Variants in PILRA observed in about 807,000 individuals in gnomAD.
PILRA encodes paired immunoglobulin-like type 2 receptor alpha.
Under a neutral mutation model 33.1 loss-of-function variants are expected in PILRA, and 37 were observed. The ratio of observed to expected loss-of-function variants is 1.12; its 90% CI spans 0.86 to 1.47. The LOEUF (loss-of-function observed/expected upper bound fraction) is 1.47. Ranked by LOEUF, PILRA falls within the 40% of genes most tolerant of loss-of-function variation. The pLI, the probability that PILRA is intolerant of heterozygous loss-of-function variation, is 0.00. For missense variants in PILRA, 312 were observed against 376.2 expected, an observed-to-expected ratio of 0.83 and a Z score of 1.41; for synonymous variants, 146 against 149.9, an observed-to-expected ratio of 0.97 and a Z score of 0.19.
intron 3 of PILRA, 143 bp from the exon 4 acceptor site, chr7:100,397,736 C>T: frequency 1.3e-6 from 1 of 788,376 alleles, no homozygotes; most frequent in Non-Finnish European, 2.1e-6. Flanking sequence ...GAGTCCCAGG[C>T]CCTTCCTGAT....
intron 3 of PILRA, among the ~76,000 whole-genome samples, chr7:100,393,871 T>C (rs1454035757): frequency 6.6e-6 from 1 of 152,086 alleles, no homozygotes; most frequent in Non-Finnish European, 1.5e-5. Context: ...TAAAGAGTCT[T>C]TCTGAAAGAC....
chr7:100,385,320 C>A (rs1181180711), intron 2 of PILRA, among the ~76,000 whole-genome samples: 3 of 151,942 alleles, frequency 2.0e-5, no homozygotes, highest in Non-Finnish European at 4.4e-5. Flanking sequence ...GTACTTGATG[C>A]GATTGTATCT....
chr7:100,381,459 A>T (rs989223754), intron 2 of PILRA, among the ~76,000 whole-genome samples: 1 of 151,680 alleles, frequency 6.6e-6, no homozygotes, highest in African/African-American at 2.4e-5. Context: ...AAAAAAAAAA[A>T]AAAAAAATTA....
chr7:100,372,671 C>A (rs1334613070), upstream of PILRA, among the ~76,000 whole-genome samples: 1 of 152,202 alleles, frequency 6.6e-6, no homozygotes, highest in African/African-American at 2.4e-5. Flanking sequence ...CAGCCAAGGG[C>A]TCAGGTGTGT....
intron 2 of PILRA, among the ~76,000 whole-genome samples, chr7:100,379,111 A>G (rs1324138270): frequency 6.7e-6 from 1 of 149,966 alleles, no homozygotes; most frequent in Non-Finnish European, 1.5e-5. Flanking sequence ...AAAAAAAAAA[A>G]GTAATGCATA....
chr7:100,399,696 GGCAGGAGA>G, intron 6 of PILRA, 81 bp from the exon 7 acceptor site: 1 of 1,611,404 alleles, frequency 6.2e-7, no homozygotes. Context: ...GTGTGGTGTG[GGCAGGAGA>G]GTCAAACTGT....
rs1343498794 is a variant in PILRA at position 100,374,508 on chromosome 7, A to G, written c.454+75A>G. 7 of 1,568,908 alleles carry G rather than the reference A, an allele frequency of 4.5e-6. No homozygotes were observed. In the East Asian group the frequency reaches 6.7e-5, roughly 15 times the overall value. Reference sequence around the variant, plus strand: ...TATGATCACTGGTGACATCGTCCCCAGCACCTCAGACCCCACTTCTTCTGA... The same window carrying G: ...TATGATCACTGGTGACATCGTCCCCGGCACCTCAGACCCCACTTCTTCTGA... On this transcript the variant is annotated intron_variant, in intron 2 of 6. Coordinates refer to ENST00000198536, the MANE Select transcript of PILRA (RefSeq NM_013439.3).
chr7:100,388,778 A>T (rs1791313599), intron 2 of PILRA, among the ~76,000 whole-genome samples: 1 of 149,468 alleles, frequency 6.7e-6, no homozygotes, highest in Non-Finnish European at 1.5e-5. Flanking sequence ...AAAAAAAAAA[A>T]GACAATCCTG....
intron 2 of PILRA, 65 bp downstream of exon 2, chr7:100,374,498 C>A (rs765926366): frequency 6.3e-7 from 1 of 1,592,132 alleles, no homozygotes; most frequent in Non-Finnish European, 8.6e-7. Context: ...TCACTGGTGA[C>A]ATCGTCCCCA....
intron 3 of PILRA, among the ~76,000 whole-genome samples, chr7:100,391,007 A>G (rs955585638): frequency 6.6e-6 from 1 of 151,910 alleles, no homozygotes; most frequent in African/African-American, 2.4e-5. Context: ...CCTGGAAAAG[A>G]TTAAGTAATA....
At chr7:100,393,852 G>A (rs1447802789) in intron 3 of PILRA, among the ~76,000 whole-genome samples, 1 of 152,078 alleles carries the variant, frequency 6.6e-6, no homozygotes, top group African/African-American at 2.4e-5. Flanking sequence ...TCAACTCTCT[G>A]TTCCCTTTTA....
intron 2 of PILRA, among the ~76,000 whole-genome samples, chr7:100,380,939 C>T (rs1262431713): frequency 6.6e-6 from 1 of 151,644 alleles, no homozygotes; most frequent in Middle Eastern, 3.4e-3. Flanking sequence ...CCACTGCACT[C>T]CAGCCTGAGT....
At chr7:100,393,034 C>T (rs1030911064) in intron 3 of PILRA, among the ~76,000 whole-genome samples, 1 of 152,176 alleles carries the variant, frequency 6.6e-6, no homozygotes, top group African/African-American at 2.4e-5. Context: ...AATCCTACCA[C>T]TTTGGGAGGC....
intron 3 of PILRA, among the ~76,000 whole-genome samples, chr7:100,392,628 G>T (rs956053345): frequency 2.0e-5 from 3 of 152,062 alleles, no homozygotes; most frequent in African/African-American, 7.2e-5. Flanking sequence ...AGACAAAACA[G>T]TACAATATTG....
chr7:100,383,028 T>A (rs1791153270), intron 2 of PILRA, among the ~76,000 whole-genome samples: 1 of 152,034 alleles, frequency 6.6e-6, no homozygotes, highest in Admixed American at 6.6e-5. Flanking sequence ...CAGGTGATGG[T>A]GAAAAGAGAA....
chr7:100,397,988 GTGC>G (rs760689552), intron 4 of PILRA, 76 bp downstream of exon 4: 64 of 1,450,230 alleles, frequency 4.4e-5, no homozygotes, highest in African/African-American at 7.0e-5. Flanking sequence ...AACAGGGAGT[GTGC>G]TGCTAAGAAC....
At position 100,399,853 on chromosome 7, in the gene PILRA, C is replaced by A. The variant is rs776294547; in HGVS notation, c.858C>A (p.His286Gln). 6.2e-7 allele frequency: 1 copy of A among 1,613,812 alleles called. No homozygotes were observed. Among genetic ancestry groups the A allele is most frequent in the East Asian group, 2.2e-5 (1 of 44,876 alleles). ...CCTCACCCAGAGCACCTCCCAGCCA[C>A]CGTCCCCTCAAGAGCCCCCAGAACG... ...SSTSPRAPPS[H>Q]RPLKSPQNET... Residue 286 changes from histidine (H) to glutamine (Q), a missense_variant, in exon 7 of 7, where the codon CAC becomes CAA. Physicochemically the swap from His to Gln is conservative, Grantham distance 24. Coordinates refer to ENST00000198536, the MANE Select transcript of PILRA (RefSeq NM_013439.3).
intron 3 of PILRA, among the ~76,000 whole-genome samples, chr7:100,396,507 C>G (rs1295218915): frequency 1.3e-5 from 2 of 151,910 alleles, no homozygotes; most frequent in Non-Finnish European, 2.9e-5. Flanking sequence ...ACAAAATTAC[C>G]CAGGCCTGGT....
upstream of PILRA, among the ~76,000 whole-genome samples, chr7:100,372,918 G>T (rs779916100): frequency 6.6e-6 from 1 of 152,066 alleles, no homozygotes; most frequent in African/African-American, 2.4e-5. Context: ...CATGTCTTGG[G>T]GGTCAAGGGG....
Sources: allele counts gnomAD v4.1 joint callset (sites outside exome capture counted in the v4.1 genomes callset), GRCh38; gene constraint gnomAD v4.1.1; transcripts MANE v1.5; gene names NCBI Gene and HGNC (gene_info 2026-07-23, HGNC 2026-07-21).